PRCC: variants seen among roughly 807,000 people sequenced by gnomAD.
PRCC encodes the protein proline-rich protein PRCC.
PRCC carries 10 observed loss-of-function variants against 44.0 expected under a neutral mutation model. The ratio of observed to expected loss-of-function variants is 0.23; its 90% CI spans 0.14 to 0.39. PRCC has a LOEUF of 0.39. Ranked by LOEUF, PRCC falls within the 10% of genes least tolerant of loss-of-function variation. The pLI is 1.00. For synonymous variants in PRCC, 278 were observed against 259.5 expected, an observed-to-expected ratio of 1.07 and a Z score of -0.69; for missense variants, 573 against 624.7, an observed-to-expected ratio of 0.92 and a Z score of 0.88.
chr1:156,795,341 G>T lies in PRCC; in HGVS notation c.1323+533G>T, dbSNP rs533262210. Among the ~76,000 whole-genome samples the T allele has an allele frequency of 8.6e-5, 10 of 116,052 alleles. No homozygotes were observed. The South Asian group carries it at 3.0e-3, about 35-fold the overall frequency. The allele number at this position is 116,052 out of a possible 152,430, so 76.1% of individuals were successfully genotyped here. On this transcript the variant is annotated intron_variant, in intron 5 of 6. Transcript: ENST00000271526. ...CTCACTCTGTTGCCCAGGCTGGCAT[G>T]CACTGGCTCAGTCACAGCTTATTGC...
chr1:156,782,415 AT>A, intron 2 of PRCC, 86 bp downstream of exon 2: 1 of 1,308,538 alleles, frequency 7.6e-7, no homozygotes, highest in Non-Finnish European at 1.1e-6. Flanking sequence ...CAGTTTTCAG[AT>A]TAGGCTTAGA....
At chr1:156,785,509 A>G (rs1304626414) in intron 2 of PRCC, among the ~76,000 whole-genome samples, 1 of 150,658 alleles carries the variant, frequency 6.6e-6, no homozygotes, top group Non-Finnish European at 1.5e-5. Context: ...CGAGACTCCG[A>G]CCAAAAAAAA....
chr1:156,798,330 A>G (rs1411284338), intron 6 of PRCC, among the ~76,000 whole-genome samples: 1 of 150,758 alleles, frequency 6.6e-6, no homozygotes, highest in Non-Finnish European at 1.5e-5. Context: ...TTTTTGAGAC[A>G]GAGTCTCGCT....
intron 1 of PRCC, among the ~76,000 whole-genome samples, chr1:156,774,332 A>G (rs1407912819): frequency 6.7e-6 from 1 of 149,780 alleles, no homozygotes; most frequent in Non-Finnish European, 1.5e-5. Flanking sequence ...CCGCCACTAC[A>G]CCCAGCTAAT....
chr1:156,794,814 T>C lies in PRCC; in HGVS notation c.1323+6T>C. The C allele has an allele frequency of 6.2e-7, 1 of 1,614,078 alleles. No homozygotes were observed. Among genetic ancestry groups the C allele is most frequent in the Non-Finnish European group, 8.5e-7 (1 of 1,179,992 alleles). On this transcript the variant is annotated splice_donor_region_variant and intron_variant, in intron 5 of 6. Transcript: ENST00000271526. ...CCATGAAGTCATTCAGCAAAGTAAG[T>C]GGGAAACGTCTATTGAGTGGTCAGC...
intron 1 of PRCC, among the ~76,000 whole-genome samples, chr1:156,777,367 A>C (rs1651864303): frequency 6.6e-6 from 1 of 152,200 alleles, no homozygotes; most frequent in East Asian, 1.9e-4. Context: ...TGAGATAATA[A>C]TAATGCCTAC....
At chr1:156,778,603 G>A (rs532259526) in intron 1 of PRCC, among the ~76,000 whole-genome samples, 25 of 141,230 alleles carry the variant, frequency 1.8e-4, no homozygotes, top group Admixed American at 1.8e-3. Flanking sequence ...TTTTTTTTGT[G>A]GCAGGGTCTC....
chr1:156,780,008 A>T (rs78079642), intron 1 of PRCC, among the ~76,000 whole-genome samples: 15,198 of 151,874 alleles, frequency 0.1, 955 homozygotes, highest in African/African-American at 0.17. Context: ...CTTGTACCTC[A>T]GCCTCCCGAG....
At chr1:156,787,493 A>C (rs1652310476) in intron 3 of PRCC, among the ~76,000 whole-genome samples, 1 of 59,378 alleles carries the variant, frequency 1.7e-5, no homozygotes, top group African/African-American at 8.2e-5. Flanking sequence ...ATATATATAT[A>C]TATATCTGTT....
At chr1:156,774,157 CTTTTTT>C (rs76271348) in intron 1 of PRCC, among the ~76,000 whole-genome samples, 4 of 53,994 alleles carry the variant, frequency 7.4e-5, no homozygotes, top group East Asian at 8.4e-4. Flanking sequence ...TTTGAGTCAC[CTTTTTT>C]TTTTTTTTTT....
Position 156,790,721 on chromosome 1 carries a change from C to G in PRCC, c.1084-976C>G, listed in dbSNP as rs143864790. ...GAATAACAAATTGGAATTCTATATG[C>G]AGTTATAAACACCACTGAGATAATC... On this transcript the variant is annotated intron_variant, in intron 3 of 6. Transcript: ENST00000271526. 4.5e-3 allele frequency among the ~76,000 whole-genome samples: 686 copies of G among 152,160 alleles called. 4 individuals are homozygous for G. Among genetic ancestry groups the G allele is most frequent in the African/African-American group, 0.016 (653 of 41,504 alleles).
At chr1:156,795,043 C>G (rs932542514) in intron 5 of PRCC, among the ~76,000 whole-genome samples, 2 of 152,110 alleles carry the variant, frequency 1.3e-5, no homozygotes, top group Non-Finnish European at 2.9e-5. Flanking sequence ...TTGCTGAGAT[C>G]GAGTAGTTGG....
rs562907937 is a variant in PRCC, at chr1:156,784,198, C to T, written c.516+1869C>T. On this transcript the variant is annotated intron_variant, in intron 2 of 6. Coordinates refer to ENST00000271526, the MANE Select transcript of PRCC (RefSeq NM_005973.5). ...TCCTGACCTCGTGATCTGCCCATCT[C>T]GGCCTCCCAAAGTACTGAAATTATA... 2.0e-3 allele frequency among the ~76,000 whole-genome samples: 298 copies of T among 152,246 alleles called. 1 individual carries two copies. Among genetic ancestry groups the T allele is most frequent in the African/African-American group, 6.7e-3 (280 of 41,538 alleles).
At chr1:156,797,242 T>G (rs1165788669) in intron 5 of PRCC, 34 bp from the exon 6 acceptor site, 1 of 1,613,712 alleles carries the variant, frequency 6.2e-7, no homozygotes, top group Non-Finnish European at 8.5e-7. Context: ...GCTTTCATCC[T>G]GTGGATTAAT....
intron 1 of PRCC, among the ~76,000 whole-genome samples, chr1:156,779,143 T>TG (rs1651952180): frequency 3.8e-5 from 3 of 79,304 alleles, no homozygotes; most frequent in African/African-American, 6.3e-5. Flanking sequence ...TTTTTTTTTT[T>TG]TTTTTTTTTT....
Position 156,767,750 on chromosome 1 carries a change from C to A in PRCC, c.-22C>A. 6.4e-7 allele frequency: 1 copy of A among 1,567,198 alleles called. No individual in the cohort carries two copies. The highest frequency in any genetic ancestry group is 2.3e-5 in the East Asian group (1 of 42,614). The stretch of plus-strand genomic sequence containing the variant: ...AGTAGGCCTCATCTGCCGGCAAGGG[C>A]GCCCGAAACGCGGGAGGCGCCATGT... On this transcript the variant is annotated 5_prime_UTR_variant, in exon 1 of 7. Coordinates refer to ENST00000271526, the MANE Select transcript of PRCC (RefSeq NM_005973.5).
chr1:156,770,762 G>A (rs756555584), intron 1 of PRCC, among the ~76,000 whole-genome samples: 1 of 152,216 alleles, frequency 6.6e-6, no homozygotes, highest in Non-Finnish European at 1.5e-5. Flanking sequence ...CTCTTAGTAC[G>A]CATTTGAAAG....
chr1:156,780,941 A>G (rs1652027806), intron 1 of PRCC, among the ~76,000 whole-genome samples: 1 of 151,974 alleles, frequency 6.6e-6, no homozygotes, highest in African/African-American at 2.4e-5. Flanking sequence ...GCTGGCCAGG[A>G]TGGTCTCAAA....
intron 1 of PRCC, among the ~76,000 whole-genome samples, chr1:156,780,696 C>T (rs1652021456): frequency 6.6e-6 from 1 of 151,974 alleles, no homozygotes; most frequent in African/African-American, 2.4e-5. Context: ...ATGTCTGAAC[C>T]ACACTTGGTG....
Sources: gnomAD v4.1 joint callset for allele counts (sites outside exome capture counted in the v4.1 genomes callset) on GRCh38, gnomAD v4.1.1 for gene constraint, MANE v1.5 for transcripts, NCBI Gene and HGNC (gene_info 2026-07-23, HGNC 2026-07-21) for gene names.